Variants in DAB1 observed in about 807,000 individuals in gnomAD.
DAB1 encodes disabled homolog 1.
Under a neutral mutation model 64.6 loss-of-function variants are expected in DAB1, and 15 were observed. The ratio of observed to expected loss-of-function variants is 0.23; its 90% CI spans 0.16 to 0.36. The LOEUF (loss-of-function observed/expected upper bound fraction) is 0.36. DAB1 is among the 10% of genes least tolerant of loss of function. The pLI, the probability that DAB1 is intolerant of heterozygous loss-of-function variation, is 1.00. For synonymous variants in DAB1, 235 were observed against 251.9 expected (o/e 0.93, Z 0.64); for missense variants, 596 against 706.7 (o/e 0.84, Z 1.78).
intron 7 of DAB1, among the ~76,000 whole-genome samples, chr1:57,565,412 C>A (rs1024412435): frequency 1.3e-5 from 2 of 152,184 alleles, no homozygotes; most frequent in African/African-American, 4.8e-5. Flanking sequence ...GGATCAAATT[C>A]ACACATAACA....
intron 2 of DAB1, among the ~76,000 whole-genome samples, chr1:57,240,907 T>C (rs1028809930): frequency 1.3e-5 from 2 of 152,218 alleles, no homozygotes; most frequent in Non-Finnish European, 2.9e-5. Context: ...AGAGCCCTAT[T>C]TAAGATAAAT....
intron 1 of DAB1, among the ~76,000 whole-genome samples, chr1:58,529,622 G>T (rs1018070288): frequency 6.6e-6 from 1 of 152,202 alleles, no homozygotes; most frequent in Non-Finnish European, 1.5e-5. Flanking sequence ...GCCCATTAAA[G>T]TTCAGAGGTT....
At chr1:57,341,746 G>A (rs775596818) in intron 1 of DAB1, among the ~76,000 whole-genome samples, 2 of 151,968 alleles carry the variant, frequency 1.3e-5, no homozygotes, top group Non-Finnish European at 2.9e-5. Flanking sequence ...GAGTACACAG[G>A]TCCCCCGAAA....
Position 57,697,422 on chromosome 1 carries a change from T to TAAA in DAB1, n.552-47760_552-47758dup, listed in dbSNP as rs56655539. On this transcript the variant is annotated intron_variant and non_coding_transcript_variant, in intron 6 of 20. Coordinates refer to the DAB1 transcript ENST00000485760. ...AGTCAGTACAATAAGCTCACGTTTCTAAAAAAAAAAAAAAAAAAAAAAAAA... is the reference window on the plus strand; with the variant it reads ...AGTCAGTACAATAAGCTCACGTTTCTAAAAAAAAAAAAAAAAAAAAAAAAAAAA... 2.4e-3 allele frequency among the ~76,000 whole-genome samples: 141 copies of TAAA among 57,898 alleles called. 3 individuals are homozygous for TAAA. Among genetic ancestry groups the TAAA allele is most frequent in the Admixed American group, 3.6e-3 (15 of 4,218 alleles). 38.0% of individuals were successfully genotyped at this position (57,898 alleles called of 152,430 possible).
chr1:58,002,171 T>C (rs1646516136), intron 5 of DAB1, among the ~76,000 whole-genome samples: 1 of 152,170 alleles, frequency 6.6e-6, no homozygotes, highest in Non-Finnish European at 1.5e-5. Flanking sequence ...GGTTATCTGT[T>C]AGAGGAGCCA....
chr1:58,163,765 T>C (rs1655671272), intron 4 of DAB1, among the ~76,000 whole-genome samples: 1 of 152,146 alleles, frequency 6.6e-6, no homozygotes. Flanking sequence ...GCAGTGAGGG[T>C]CAATAACTCC....
chr1:57,527,641 T>C (rs898071690), intron 7 of DAB1, among the ~76,000 whole-genome samples: 1 of 152,168 alleles, frequency 6.6e-6, no homozygotes, highest in African/African-American at 2.4e-5. Context: ...TAAATTGAAA[T>C]GTAACAAACA....
chr1:58,297,515 C>T (rs147747693), intron 4 of DAB1, among the ~76,000 whole-genome samples: 4 of 152,270 alleles, frequency 2.6e-5, no homozygotes, highest in African/African-American at 9.6e-5. Context: ...TGGGCTCTTG[C>T]ACTGCTTCCT....
At chr1:57,677,195 C>G (rs929870212) in intron 6 of DAB1, among the ~76,000 whole-genome samples, 2 of 152,200 alleles carry the variant, frequency 1.3e-5, no homozygotes, top group Non-Finnish European at 2.9e-5. Context: ...GAAACCAATC[C>G]TGATGATACC....
intron 2 of DAB1, among the ~76,000 whole-genome samples, chr1:57,238,079 C>A (rs544271590): frequency 4.3e-4 from 65 of 152,204 alleles, no homozygotes; most frequent in Admixed American, 1.4e-3. Flanking sequence ...CTTTAGGAAC[C>A]AAAAGGGGTT....
intron 5 of DAB1, among the ~76,000 whole-genome samples, chr1:57,966,212 C>T (rs555391400): frequency 7.2e-5 from 11 of 152,044 alleles, no homozygotes; most frequent in Non-Finnish European, 1.3e-4. Context: ...AAGGAGGTTG[C>T]GATAAATTAA....
At chr1:57,063,309 T>G (rs899689540) in intron 8 of DAB1, among the ~76,000 whole-genome samples, 1 of 152,060 alleles carries the variant, frequency 6.6e-6, no homozygotes, top group South Asian at 2.1e-4. Context: ...GTTCCTGAAG[T>G]GATTAAAAAC....
Position 57,038,949 on chromosome 1 carries a change from C to T in DAB1, c.724-12906G>A, listed in dbSNP as rs572422368. Among the ~76,000 whole-genome samples, 8 of 152,300 alleles carry T rather than the reference C, an allele frequency of 5.3e-5. No individual in the cohort carries two copies. The South Asian group carries it at 1.0e-3, about 20-fold the overall frequency. ...GACCTGAACGGGCTAACGCAAATGA[C>T]AGGGCATAGCTGTGGGTAAAGCCTC... On this transcript the variant is annotated intron_variant, in intron 9 of 14. Coordinates refer to ENST00000371236, the MANE Select transcript of DAB1 (RefSeq NM_001365792.1).
At chr1:57,710,527 C>G (rs1433544115) in intron 6 of DAB1, among the ~76,000 whole-genome samples, 1 of 152,122 alleles carries the variant, frequency 6.6e-6, no homozygotes, top group Non-Finnish European at 1.5e-5. Context: ...CATGAGAGAG[C>G]TTAAGTATTA....
At chr1:57,822,727 T>A (rs540133705), downstream of DAB1, among the ~76,000 whole-genome samples, 2 of 152,318 alleles carry the variant, frequency 1.3e-5, no homozygotes, top group African/African-American at 4.8e-5. Context: ...TAAGTTTGCA[T>A]TTTCTAGTAG....
chr1:57,291,023 G>C lies in DAB1; in HGVS notation c.8C>G (p.Thr3Ser). The C allele has an allele frequency of 4.3e-6, 7 of 1,611,070 alleles. No individual in the cohort carries two copies. The South Asian group carries it at 7.7e-5, about 18-fold the overall frequency. ...CACAGCTACTTGAAGTTCTGTCTCA[G>C]TTGACATCCTACTTAATCCTTAGTC... MS[T>S]ETELQVAVKT... is the part of the protein sequence containing the mutation. Residue 3 changes from threonine to serine, a missense_variant, in exon 2 of 15, where the codon ACT (threonine) becomes AGT (serine). By Grantham distance (58) the Thr-to-Ser change is moderately conservative. This residue lies in a region of DAB1 where 43 missense variants were observed against 39.6 expected (regional missense o/e 1.09). Transcript: ENST00000371236.
chr1:57,037,994 A>G (rs1647244036), intron 9 of DAB1, among the ~76,000 whole-genome samples: 1 of 152,232 alleles, frequency 6.6e-6, no homozygotes, highest in Non-Finnish European at 1.5e-5. Flanking sequence ...CTGATGAACT[A>G]AATTTTAAAT....
chr1:57,476,748 T>C (rs1643943911), intron 7 of DAB1, among the ~76,000 whole-genome samples: 1 of 152,146 alleles, frequency 6.6e-6, no homozygotes, highest in Non-Finnish European at 1.5e-5. Flanking sequence ...GTATAAAAAG[T>C]GACATCCTGC....
chr1:57,910,468 C>G (rs1475920433), intron 5 of DAB1, among the ~76,000 whole-genome samples: 1 of 152,198 alleles, frequency 6.6e-6, no homozygotes, highest in Admixed American at 6.5e-5. Flanking sequence ...CAAGCACATA[C>G]TTTCTTTTCT....
Sources: allele counts gnomAD v4.1 joint callset (sites outside exome capture counted in the v4.1 genomes callset), GRCh38; gene constraint gnomAD v4.1.1; regional missense constraint gnomAD v4.1.1; transcripts MANE v1.5; gene names NCBI Gene and HGNC (gene_info 2026-07-23, HGNC 2026-07-21).